Variants in JARID2 observed in about 807,000 individuals in gnomAD.
JARID2 encodes the protein jumonji and AT-rich interaction domain containing 2, also known as protein Jumonji.
JARID2 carries 21 observed loss-of-function variants against 125.6 expected under a neutral mutation model. The ratio of observed to expected loss-of-function variants is 0.17; its 90% CI spans 0.12 to 0.24. The LOEUF (loss-of-function observed/expected upper bound fraction) is 0.24. JARID2 is among the 10% of genes least tolerant of loss of function. JARID2 has a pLI of 1.00. For synonymous variants in JARID2, 736 were observed against 661.6 expected, an observed-to-expected ratio of 1.11 and a Z score of -1.73; for missense variants, 1,303 against 1,639.6, an observed-to-expected ratio of 0.79 and a Z score of 3.55.
intron 1 of JARID2, among the ~76,000 whole-genome samples, chr6:15,278,888 G>A (rs544010695): frequency 6.6e-6 from 1 of 152,274 alleles, no homozygotes; most frequent in African/African-American, 2.4e-5. Context: ...GGCCAACAAG[G>A]CGAAACCCTG....
intron 2 of JARID2, among the ~76,000 whole-genome samples, chr6:15,388,660 C>T (rs1026841437): frequency 3.3e-5 from 5 of 150,836 alleles, no homozygotes; most frequent in Non-Finnish European, 7.4e-5. Flanking sequence ...ATTTTATATT[C>T]GCCAGTGACA....
At chr6:15,364,282 G>C (rs1353625367) in intron 1 of JARID2, among the ~76,000 whole-genome samples, 1 of 152,176 alleles carries the variant, frequency 6.6e-6, no homozygotes, top group African/African-American at 2.4e-5. Flanking sequence ...CTGTCAGTAA[G>C]GGGCAACCAT....
intron 13 of JARID2, among the ~76,000 whole-genome samples, chr6:15,511,697 G>A (rs562597918): frequency 3.3e-5 from 5 of 152,310 alleles, no homozygotes; most frequent in African/African-American, 1.2e-4. Context: ...GCATGTGAGA[G>A]GAATGAGCAC....
chr6:15,484,622 A>C (rs1437339095), intron 5 of JARID2, among the ~76,000 whole-genome samples: 1 of 152,212 alleles, frequency 6.6e-6, no homozygotes, highest in Non-Finnish European at 1.5e-5. Context: ...GCTATTCCCC[A>C]GTCTATAGAT....
At chr6:15,384,984 C>T (rs1764730503) in intron 2 of JARID2, among the ~76,000 whole-genome samples, 2 of 152,336 alleles carry the variant, frequency 1.3e-5, no homozygotes, top group East Asian at 1.9e-4. Context: ...CCTCCCTGTG[C>T]TCGCTCAGCT....
In JARID2 at chr6:15,405,640, C is replaced by T. The variant is rs1180174424; in HGVS notation, c.182-4584C>T. On this transcript the variant is annotated intron_variant, in intron 2 of 17. Coordinates refer to ENST00000341776, the MANE Select transcript of JARID2 (RefSeq NM_004973.4). ...TCATTCAATTTCCTCTGTTTAACCT[C>T]CTCTCCCCAACAAAGGTTTGTGTTG... Among the ~76,000 whole-genome samples the T allele has an allele frequency of 2.6e-5, 4 of 151,536 alleles. No individual in the cohort carries two copies. The East Asian group carries it at 5.8e-4, about 22-fold the overall frequency.
intron 5 of JARID2, among the ~76,000 whole-genome samples, chr6:15,471,638 GTGTT>G (rs1362213521): frequency 6.6e-6 from 1 of 152,156 alleles, no homozygotes; most frequent in Admixed American, 6.5e-5. Flanking sequence ...GTTTTCCAGA[GTGTT>G]TGAGCTTGAT....
chr6:15,440,137 C>T (rs577427908), intron 3 of JARID2, among the ~76,000 whole-genome samples: 6 of 152,296 alleles, frequency 3.9e-5, no homozygotes, highest in Admixed American at 6.5e-5. Context: ...TCATTTAAGC[C>T]GTACGCAATT....
chr6:15,427,931 T>C (rs755163945), intron 3 of JARID2, among the ~76,000 whole-genome samples: 1 of 152,048 alleles, frequency 6.6e-6, no homozygotes, highest in Non-Finnish European at 1.5e-5. Context: ...ATACCTCACT[T>C]GACTGCCTAG....
chr6:15,372,124 T>C (rs76679398), intron 1 of JARID2, among the ~76,000 whole-genome samples: 3,336 of 152,332 alleles, frequency 0.022, 125 homozygotes, highest in African/African-American at 0.075. Context: ...TTTGTATTTA[T>C]GCAGAGTATA....
In JARID2 at chr6:15,521,221, CTT is replaced by C. The variant is rs983392609; in HGVS notation, c.*971_*972del. 1 of 153,436 alleles carries C rather than the reference CTT, an allele frequency of 6.5e-6. No homozygotes were observed. The highest frequency in any genetic ancestry group is 2.4e-5 in the African/African-American group (1 of 41,376). 9.5% of individuals were successfully genotyped at this position (153,436 alleles called of 1,614,324 possible). A position where few individuals can be genotyped will look rare whatever the true frequency, so the allele number is the denominator to read the frequency against. Reference sequence around the variant, plus strand: ...GTCAGCATTAATCTTTCTTTTAAAACTTGTTTCATTTATGATCATGTAGAGAG... The same window carrying C: ...GTCAGCATTAATCTTTCTTTTAAAACGTTTCATTTATGATCATGTAGAGAG... On this transcript the variant is annotated 3_prime_UTR_variant, in exon 18 of 18. Coordinates refer to ENST00000341776, the MANE Select transcript of JARID2 (RefSeq NM_004973.4).
chr6:15,503,768 A>G (rs115977246), intron 8 of JARID2, among the ~76,000 whole-genome samples: 1,782 of 152,344 alleles, frequency 0.012, 37 homozygotes, highest in African/African-American at 0.04. Flanking sequence ...AGGGTCTTAG[A>G]TGGATTCCCT....
At chr6:15,490,332 AG>A (rs1770090973) in intron 6 of JARID2, among the ~76,000 whole-genome samples, 1 of 152,102 alleles carries the variant, frequency 6.6e-6, no homozygotes, top group Non-Finnish European at 1.5e-5. Flanking sequence ...TGTAATTTTT[AG>A]GGGGTGCTGC....
At chr6:15,453,186 AT>A (rs540786597) in intron 4 of JARID2, among the ~76,000 whole-genome samples, 26 of 152,250 alleles carry the variant, frequency 1.7e-4, no homozygotes, top group African/African-American at 6.3e-4. Context: ...TCTGTTTCAC[AT>A]TTGTTCTGAA....
intron 1 of JARID2, chr6:15,324,477 A>ACC (rs1436015116): frequency 6.6e-6 from 1 of 151,604 alleles, no homozygotes; most frequent in Admixed American, 6.6e-5. Flanking sequence ...GAGCACTATG[A>ACC]CCCCCCTCCT....
intron 1 of JARID2, among the ~76,000 whole-genome samples, chr6:15,262,686 C>T (rs771800723): frequency 3.3e-5 from 5 of 151,678 alleles, no homozygotes; most frequent in South Asian, 2.1e-4. Context: ...TACAGGTGTG[C>T]GCCACCACGC....
chr6:15,262,430 A>G (rs1223110907), intron 1 of JARID2, among the ~76,000 whole-genome samples: 1 of 151,070 alleles, frequency 6.6e-6, no homozygotes, highest in East Asian at 1.9e-4. Flanking sequence ...TCAGTACTTC[A>G]TTCCTTTTTG....
Position 15,496,481 on chromosome 6 carries a change from C to G in JARID2, c.1256C>G (p.Thr419Ser). The G allele has an allele frequency of 6.2e-7, 1 of 1,611,760 alleles. No homozygotes were observed. Among genetic ancestry groups the G allele is most frequent in the Non-Finnish European group, 8.5e-7 (1 of 1,178,984 alleles). ...GGCAGGTTGAACCCAAAGTCATGCACTAAGGAGGTGGGGGGGCGGCAGCTG... is the reference window on the plus strand; with the variant it reads ...GGCAGGTTGAACCCAAAGTCATGCAGTAAGGAGGTGGGGGGGCGGCAGCTG... ...VSGRLNPKSC[T>S]KEVGGRQLRE... The change falls in exon 7 of 18, where the codon ACT (threonine) becomes AGT (serine). Residue 419 changes from threonine (T) to serine (S), a missense_variant. Transcript: ENST00000341776.
chr6:15,360,963 C>A (rs1248361985), intron 1 of JARID2, among the ~76,000 whole-genome samples: 1 of 152,190 alleles, frequency 6.6e-6, no homozygotes, highest in Non-Finnish European at 1.5e-5. Flanking sequence ...TTTTGCTCTT[C>A]AGTAAATTAG....
Sources: gnomAD v4.1 joint callset for allele counts (sites outside exome capture counted in the v4.1 genomes callset) on GRCh38, gnomAD v4.1.1 for gene constraint, MANE v1.5 for transcripts, NCBI Gene and HGNC (gene_info 2026-07-23, HGNC 2026-07-21) for gene names.